AFF3: variants seen among roughly 807,000 people sequenced by gnomAD.
The protein encoded by AFF3 is AF4/FMR2 family member 3.
Under a neutral mutation model 129.7 loss-of-function variants are expected in AFF3, and 32 were observed. The observed-to-expected ratio is 0.25, with a 90% CI of 0.19 to 0.33. AFF3 has a LOEUF of 0.33. Ranked by LOEUF, AFF3 falls within the 10% of genes least tolerant of loss-of-function variation. The pLI is 1.00. For missense variants in AFF3, 1,373 were observed against 1,592.0 expected (o/e 0.86, Z 2.34); for synonymous variants, 644 against 635.4 (o/e 1.01, Z -0.20).
chr2:100,065,359 T>G (rs527639448), intron 4 of AFF3, among the ~76,000 whole-genome samples: 7 of 152,332 alleles, frequency 4.6e-5, no homozygotes, highest in African/African-American at 1.7e-4. Context: ...ACTTCATTAT[T>G]TATTGTTAAT....
rs60993398 is a variant in AFF3 at position 99,721,527 on chromosome 2, C to CAA, written c.1091+5548_1091+5549dup. Among the ~76,000 whole-genome samples, 96 of 134,420 alleles carry CAA rather than the reference C, an allele frequency of 7.1e-4. 1 individual carries two copies. The highest frequency in any genetic ancestry group is 1.6e-3 in the African/African-American group (58 of 36,182). 88.2% of individuals were successfully genotyped at this position (134,420 alleles called of 152,430 possible). ...CTGGGGACAGAGTGAGACTCTGTCT[C>CAA]AAAAAAAAAAAGAAAAAAAAAAAGA... On this transcript the variant is annotated intron_variant, in intron 11 of 24. Coordinates refer to ENST00000672756, the MANE Select transcript of AFF3 (RefSeq NM_001386135.1).
chr2:100,035,180 T>C (rs898073687), intron 4 of AFF3, among the ~76,000 whole-genome samples: 2 of 152,222 alleles, frequency 1.3e-5, no homozygotes, highest in South Asian at 2.1e-4. Flanking sequence ...AAGTGGCACA[T>C]GCTTTGAAGA....
chr2:99,614,488 T>C (rs1681226355), intron 13 of AFF3, among the ~76,000 whole-genome samples: 3 of 152,234 alleles, frequency 2.0e-5, no homozygotes, highest in Non-Finnish European at 4.4e-5. Context: ...GACACAAGGC[T>C]TGATCCCCAA....
At chr2:99,759,583 A>G (rs1237323978) in intron 8 of AFF3, among the ~76,000 whole-genome samples, 1 of 152,206 alleles carries the variant, frequency 6.6e-6, no homozygotes, top group African/African-American at 2.4e-5. Context: ...TTTCCGTGTG[A>G]TTTTTCCATC....
intron 24 of AFF3, 77 bp downstream of exon 24, chr2:99,554,234 C>T (rs1674699532): frequency 2.7e-6 from 4 of 1,496,296 alleles, no homozygotes; most frequent in Non-Finnish European, 3.7e-6. Context: ...ATCCCAGCTA[C>T]TCAGGAGGCC....
intron 7 of AFF3, among the ~76,000 whole-genome samples, chr2:99,967,645 G>A (rs1423476500): frequency 1.3e-5 from 2 of 152,162 alleles, no homozygotes; most frequent in Non-Finnish European, 2.9e-5. Context: ...TTGTTCACCA[G>A]AGAAAAAAGC....
At chr2:99,618,915 T>TTCAA (rs1303261128) in intron 13 of AFF3, among the ~76,000 whole-genome samples, 2 of 151,980 alleles carry the variant, frequency 1.3e-5, no homozygotes, top group Non-Finnish European at 2.9e-5. Flanking sequence ...CATTCATTCA[T>TTCAA]TCATTCATTC....
chr2:99,638,821 G>C (rs1683918118), intron 13 of AFF3, among the ~76,000 whole-genome samples: 1 of 152,168 alleles, frequency 6.6e-6, no homozygotes, highest in South Asian at 2.1e-4. Flanking sequence ...AATTGGCCAA[G>C]GGTGTCCAGT....
chr2:99,704,663 A>G (rs1353249316), intron 11 of AFF3, among the ~76,000 whole-genome samples: 4 of 152,198 alleles, frequency 2.6e-5, no homozygotes, highest in Admixed American at 2.0e-4. Flanking sequence ...TTGAGTCTAA[A>G]ATATGTGAGC....
chr2:100,124,673 G>T (rs1444861609), intron 2 of AFF3, among the ~76,000 whole-genome samples: 2 of 151,240 alleles, frequency 1.3e-5, no homozygotes, highest in African/African-American at 2.4e-5. Context: ...GGGGGGAGAT[G>T]GGGGGGTGTA....
intron 7 of AFF3, among the ~76,000 whole-genome samples, chr2:99,937,619 G>A (rs555906900): frequency 3.9e-5 from 6 of 152,056 alleles, no homozygotes; most frequent in East Asian, 1.9e-4. Flanking sequence ...GGGTGGTCTC[G>A]AACTCCTGAC....
chr2:99,847,784 GCCCCGGGTGAT>G (rs1689846907), intron 7 of AFF3, among the ~76,000 whole-genome samples: 1 of 152,068 alleles, frequency 6.6e-6, no homozygotes, highest in Non-Finnish European at 1.5e-5. Flanking sequence ...GATAAAGTTA[GCCCCGGGTGAT>G]CCTGCTCAGC....
At position 99,546,632 on chromosome 2, in the gene AFF3, GAA is replaced by G. The variant is rs1396333912; in HGVS notation, c.*4840_*4841del. 8.6e-6 allele frequency: 2 copies of G among 232,006 alleles called. No homozygotes were observed. Among genetic ancestry groups the G allele is most frequent in the African/African-American group, 2.2e-5 (1 of 45,262 alleles). The allele number at this position is 232,006 out of a possible 1,614,324, so 14.4% of individuals were successfully genotyped here. On this transcript the variant is annotated 3_prime_UTR_variant, in exon 25 of 25. Transcript: ENST00000672756. ...AAGGGTTGGAGATAAGACTAAAAAT[GAA>G]GTTAACAAACTTACCCTCCCACATA...
chr2:100,022,555 C>A (rs1390843341), intron 4 of AFF3, among the ~76,000 whole-genome samples: 1 of 152,076 alleles, frequency 6.6e-6, no homozygotes, highest in Non-Finnish European at 1.5e-5. Context: ...GGATTACAGG[C>A]ATGCGCCACC....
At chr2:99,932,459 A>G (rs1674114728) in intron 7 of AFF3, among the ~76,000 whole-genome samples, 3 of 152,210 alleles carry the variant, frequency 2.0e-5, no homozygotes, top group African/African-American at 7.2e-5. Flanking sequence ...TTATTTGGGT[A>G]ACAGACACAG....
chr2:99,546,118 A>G lies in AFF3; in HGVS notation c.*5356T>C. The G allele has an allele frequency of 4.4e-6, 1 of 228,388 alleles. No homozygotes were observed. The highest frequency in any genetic ancestry group is 8.7e-6 in the Non-Finnish European group (1 of 115,002). The allele number at this position is 228,388 out of a possible 1,614,324, so 14.1% of individuals were successfully genotyped here. On this transcript the variant is annotated 3_prime_UTR_variant, in exon 25 of 25. Transcript: ENST00000672756. Reference sequence around the variant, plus strand: ...CAGGTTGTTTTTCCCCTTTCATTAAAAAAACTTTCAAGATTCCACTTGATC... The same window carrying G: ...CAGGTTGTTTTTCCCCTTTCATTAAGAAAACTTTCAAGATTCCACTTGATC...
At chr2:99,825,272 AGATAGATGTTCTAATT>A (rs1157240663) in intron 8 of AFF3, among the ~76,000 whole-genome samples, 29 of 152,350 alleles carry the variant, frequency 1.9e-4, no homozygotes, top group Middle Eastern at 6.8e-3. Context: ...ATTATTATCT[AGATAGATGTTCTAATT>A]TTTCAAGGCT....
chr2:99,555,476 G>T (rs1185882388), intron 22 of AFF3, among the ~76,000 whole-genome samples: 2 of 152,184 alleles, frequency 1.3e-5, no homozygotes, highest in African/African-American at 4.8e-5. Flanking sequence ...GAACAGACAG[G>T]ATGTTCAAAC....
chr2:100,102,915 T>C (rs375241714), intron 4 of AFF3, among the ~76,000 whole-genome samples: 3 of 138,650 alleles, frequency 2.2e-5, no homozygotes, highest in African/African-American at 8.3e-5. Context: ...AGCAACACAG[T>C]AATTAGCAAC....
Sources: allele counts gnomAD v4.1 joint callset (sites outside exome capture counted in the v4.1 genomes callset), GRCh38; gene constraint gnomAD v4.1.1; transcripts MANE v1.5; gene names NCBI Gene and HGNC (gene_info 2026-07-23, HGNC 2026-07-21).